Variants in SCFD2 observed in about 807,000 individuals in gnomAD.
SCFD2 encodes sec1 family domain-containing protein 2.
SCFD2 carries 54 observed loss-of-function variants against 58.9 expected under a neutral mutation model. The observed-to-expected ratio is 0.92, with a 90% CI of 0.74 to 1.15. SCFD2 has a LOEUF of 1.15. Among genes scored for constraint, SCFD2 ranks in the 50% most tolerant of loss-of-function variants. The pLI, the probability that SCFD2 is intolerant of heterozygous loss-of-function variation, is 0.00. For missense variants in SCFD2, 805 were observed against 836.6 expected (o/e 0.96, Z 0.47); for synonymous variants, 321 against 335.9 (o/e 0.96, Z 0.49).
chr4:53,099,817 T>A (rs979658945), intron 5 of SCFD2, among the ~76,000 whole-genome samples: 2 of 152,102 alleles, frequency 1.3e-5, no homozygotes, highest in Admixed American at 1.3e-4. Flanking sequence ...GGGATCAAAT[T>A]TCAACATGAG....
chr4:53,119,721 G>A (rs1297049340), intron 5 of SCFD2, among the ~76,000 whole-genome samples: 1 of 152,156 alleles, frequency 6.6e-6, no homozygotes, highest in Non-Finnish European at 1.5e-5. Flanking sequence ...CCCCTGAAGA[G>A]TGCTGTAATC....
intron 3 of SCFD2, among the ~76,000 whole-genome samples, chr4:53,299,036 G>A (rs1161813440): frequency 4.6e-5 from 7 of 152,182 alleles, no homozygotes; most frequent in Non-Finnish European, 1.0e-4. Context: ...AAATCAGAGC[G>A]CTTCTACTCC....
At chr4:52,943,846 A>G (rs1047183165) in intron 5 of SCFD2, among the ~76,000 whole-genome samples, 2 of 152,044 alleles carry the variant, frequency 1.3e-5, no homozygotes, top group Non-Finnish European at 2.9e-5. Context: ...TCTTCTCCCA[A>G]CCCTTCAATG....
At chr4:53,042,040 TG>T (rs1342398236) in intron 5 of SCFD2, among the ~76,000 whole-genome samples, 1 of 152,150 alleles carries the variant, frequency 6.6e-6, no homozygotes, top group Middle Eastern at 3.2e-3. Flanking sequence ...CCTGGTCTCA[TG>T]GGTCTAACAA....
At chr4:52,896,881 C>A (rs1400714671) in intron 7 of SCFD2, among the ~76,000 whole-genome samples, 2 of 152,158 alleles carry the variant, frequency 1.3e-5, no homozygotes, top group Non-Finnish European at 2.9e-5. Flanking sequence ...CTAAACGTCC[C>A]TTGTAAGTTG....
intron 4 of SCFD2, among the ~76,000 whole-genome samples, chr4:53,209,700 G>C (rs1354192475): frequency 1.3e-5 from 2 of 151,702 alleles, no homozygotes; most frequent in Non-Finnish European, 1.5e-5. Context: ...ATAGTATAAA[G>C]AAGTGACATA....
intron 5 of SCFD2, among the ~76,000 whole-genome samples, chr4:52,938,386 GA>G (rs753870297): frequency 6.6e-6 from 1 of 152,124 alleles, no homozygotes; most frequent in Non-Finnish European, 1.5e-5. Context: ...ACTATTGCAG[GA>G]AATCAATAAA....
intron 4 of SCFD2, among the ~76,000 whole-genome samples, chr4:53,178,881 A>C (rs1415073931): frequency 2.6e-4 from 40 of 152,234 alleles, no homozygotes; most frequent in Non-Finnish European, 1.5e-5. Context: ...GATGCGATCA[A>C]CTGGAAGACA....
chr4:53,177,959 G>A (rs1250936481), intron 4 of SCFD2, among the ~76,000 whole-genome samples: 1 of 152,194 alleles, frequency 6.6e-6, no homozygotes, highest in African/African-American at 2.4e-5. Flanking sequence ...TGGGGGAGGG[G>A]CGCCCGCCAT....
chr4:53,357,296 G>T (rs553540827), intron 1 of SCFD2, among the ~76,000 whole-genome samples: 2 of 151,900 alleles, frequency 1.3e-5, no homozygotes, highest in African/African-American at 4.8e-5. Flanking sequence ...AGGTATAGAG[G>T]TATGTGCCTA....
chr4:53,076,548 C>T (rs1332911786), intron 5 of SCFD2, among the ~76,000 whole-genome samples: 1 of 152,070 alleles, frequency 6.6e-6, no homozygotes, highest in Non-Finnish European at 1.5e-5. Flanking sequence ...TCTAGTTGGC[C>T]TTGTGTCCTC....
intron 4 of SCFD2, among the ~76,000 whole-genome samples, chr4:53,202,933 C>T (rs1394847816): frequency 3.3e-5 from 5 of 152,146 alleles, no homozygotes; most frequent in Non-Finnish European, 5.9e-5. Context: ...TGGGCTGAGA[C>T]AATGGGGTTA....
intron 7 of SCFD2, among the ~76,000 whole-genome samples, chr4:52,905,715 T>C (rs188033874): frequency 1.8e-4 from 28 of 152,278 alleles, no homozygotes; most frequent in South Asian, 1.2e-3. Flanking sequence ...CTAAACATCT[T>C]CCTAGGTGGA....
chr4:52,907,723 T>A (rs1418042713), intron 6 of SCFD2, 132 bp from the exon 7 acceptor site: 7 of 688,642 alleles, frequency 1.0e-5, no homozygotes, highest in Non-Finnish European at 1.5e-5. Flanking sequence ...TGTGTGTGTG[T>A]GTGTGTGTGT....
At chr4:53,123,411 T>G (rs972124695) in intron 5 of SCFD2, among the ~76,000 whole-genome samples, 1 of 151,732 alleles carries the variant, frequency 6.6e-6, no homozygotes, top group South Asian at 2.1e-4. Flanking sequence ...AGGGAATGCA[T>G]GAATAGGTGA....
At chr4:52,984,465 G>A (rs1043960804) in intron 5 of SCFD2, among the ~76,000 whole-genome samples, 1 of 152,212 alleles carries the variant, frequency 6.6e-6, no homozygotes, top group African/African-American at 2.4e-5. Flanking sequence ...AAACAAAAGA[G>A]TCACAAGGTG....
chr4:52,880,253 G>A (rs1162732064), intron 8 of SCFD2, among the ~76,000 whole-genome samples: 1 of 151,946 alleles, frequency 6.6e-6, no homozygotes, highest in African/African-American at 2.4e-5. Flanking sequence ...CCAGGATGAG[G>A]GATCCTTGAA....
At chr4:52,969,073 G>A (rs1721032681) in intron 5 of SCFD2, among the ~76,000 whole-genome samples, 2 of 152,292 alleles carry the variant, frequency 1.3e-5, no homozygotes, top group Non-Finnish European at 2.9e-5. Flanking sequence ...ACCCTGGCCT[G>A]TCTTTGGCAA....
At chr4:53,237,730 G>A (rs1729693039) in intron 4 of SCFD2, among the ~76,000 whole-genome samples, 4 of 112,292 alleles carry the variant, frequency 3.6e-5, no homozygotes, top group African/African-American at 1.0e-4. Flanking sequence ...AGGCAGAGGC[G>A]CCCCTCACCT....
Sources: allele counts gnomAD v4.1 joint callset (sites outside exome capture counted in the v4.1 genomes callset), GRCh38; gene constraint gnomAD v4.1.1; transcripts MANE v1.5; gene names NCBI Gene and HGNC (gene_info 2026-07-23, HGNC 2026-07-21).